COX16: variants seen among roughly 807,000 people sequenced by gnomAD.
The protein encoded by COX16 is cytochrome c oxidase assembly factor COX16.
In COX16, 12 loss-of-function variants were observed where a neutral mutation model predicts 15.4. The observed-to-expected ratio is 0.78, with a 90% CI of 0.50 to 1.26. The LOEUF (loss-of-function observed/expected upper bound fraction) is 1.26. Among genes scored for constraint, COX16 ranks in the 50% most tolerant of loss-of-function variants. The probability of loss-of-function intolerance (pLI) is 0.00; values close to 1 mark genes in which losing one functional copy is unlikely to be tolerated. For missense variants in COX16, 124 were observed against 127.6 expected (o/e 0.97, Z 0.14); for synonymous variants, 46 against 41.1 (o/e 1.12, Z -0.46).
chr14:70,329,772 T>G (rs1045229594), intron 2 of COX16, among the ~76,000 whole-genome samples: 1 of 146,514 alleles, frequency 6.8e-6, no homozygotes, highest in Non-Finnish European at 1.5e-5. Flanking sequence ...AATGCTATAT[T>G]AACTGTATAA....
intron 1 of COX16, among the ~76,000 whole-genome samples, chr14:70,351,909 T>C (rs2332364): frequency 0.7 from 105,865 of 152,008 alleles, 37,113 homozygotes; most frequent in East Asian, 0.93. Context: ...AAAAGGAAGG[T>C]AGGGATCAAA....
intron 1 of COX16, among the ~76,000 whole-genome samples, chr14:70,343,393 T>C (rs1159186547): frequency 2.6e-5 from 4 of 152,232 alleles, no homozygotes; most frequent in African/African-American, 7.2e-5. Context: ...ATAACATTAT[T>C]GTTTTTTTGT....
chr14:70,340,905 C>T (rs1412164288), intron 2 of COX16, among the ~76,000 whole-genome samples: 1 of 152,178 alleles, frequency 6.6e-6, no homozygotes, highest in South Asian at 2.1e-4. Flanking sequence ...TCTCCTTGAA[C>T]GTCTAGTAAT....
chr14:70,340,254 G>A (rs148164417), intron 2 of COX16, among the ~76,000 whole-genome samples: 46 of 152,158 alleles, frequency 3.0e-4, no homozygotes, highest in Non-Finnish European at 4.9e-4. Context: ...CTCTCCTGCC[G>A]CCATGTGAAG....
At chr14:70,353,593 A>C (rs1887035827) in intron 1 of COX16, among the ~76,000 whole-genome samples, 1 of 151,780 alleles carries the variant, frequency 6.6e-6, no homozygotes, top group Non-Finnish European at 1.5e-5. Context: ...AGCTCACTGC[A>C]ACCTCCACCT....
chr14:70,341,444 GA>G (rs1446422764), intron 2 of COX16, among the ~76,000 whole-genome samples: 1 of 151,950 alleles, frequency 6.6e-6, no homozygotes, highest in Non-Finnish European at 1.5e-5. Context: ...TATTACTTGA[GA>G]AAAAAACTAC....
intron 1 of COX16, among the ~76,000 whole-genome samples, chr14:70,352,739 G>A (rs372453373): frequency 1.4e-5 from 2 of 142,758 alleles, no homozygotes; most frequent in South Asian, 4.6e-4. Flanking sequence ...TCTGCCTCCC[G>A]GGTTCAAGAG....
At chr14:70,359,219 CTG>C in intron 1 of COX16, 1 of 517,166 alleles carries the variant, frequency 1.9e-6, no homozygotes, top group South Asian at 1.5e-5. Flanking sequence ...ATTTACTTAA[CTG>C]TGAATCAAGG....
At chr14:70,333,210 T>C (rs747073212) in intron 2 of COX16, among the ~76,000 whole-genome samples, 1 of 152,170 alleles carries the variant, frequency 6.6e-6, no homozygotes, top group Non-Finnish European at 1.5e-5. Flanking sequence ...TAGGAAAATA[T>C]GACCTCATCA....
At chr14:70,336,322 G>T (rs1886455389) in intron 2 of COX16, among the ~76,000 whole-genome samples, 1 of 152,158 alleles carries the variant, frequency 6.6e-6, no homozygotes. Context: ...CCAAGAGGAA[G>T]ACATGGAGCG....
intron 1 of COX16, among the ~76,000 whole-genome samples, chr14:70,350,328 T>C (rs1045691477): frequency 2.0e-5 from 3 of 152,184 alleles, no homozygotes; most frequent in Non-Finnish European, 4.4e-5. Flanking sequence ...TACAGGAGAC[T>C]GTAAAACTTT....
intron 2 of COX16, among the ~76,000 whole-genome samples, chr14:70,331,488 C>T (rs552410799): frequency 6.6e-6 from 1 of 151,846 alleles, no homozygotes; most frequent in Non-Finnish European, 1.5e-5. Context: ...AATGAATATA[C>T]AAAATAGAAT....
At chr14:70,330,143 T>TGAAGTTGATTAAGAGAAAAAAGA (rs1364040793) in intron 2 of COX16, among the ~76,000 whole-genome samples, 2 of 151,928 alleles carry the variant, frequency 1.3e-5, no homozygotes, top group East Asian at 3.9e-4. Context: ...TTAATCAAAG[T>TGAAGTTGATTAAGAGAAAAAAGA]GAAGTTGATT....
At chr14:70,343,864 G>C (rs1044555794) in intron 1 of COX16, among the ~76,000 whole-genome samples, 1 of 152,198 alleles carries the variant, frequency 6.6e-6, no homozygotes, top group African/African-American at 2.4e-5. Flanking sequence ...AATAACAATG[G>C]GGAATTGCAG....
At position 70,326,152 on chromosome 14, in the gene COX16, G is replaced by C. The variant is rs753250708; in HGVS notation, c.*181C>G. The C allele has an allele frequency of 3.2e-5, 12 of 371,056 alleles. No homozygotes were observed. The highest frequency in any genetic ancestry group is 5.0e-5 in the Non-Finnish European group (11 of 218,766). The allele number at this position is 371,056 out of a possible 1,614,324, so 23.0% of individuals were successfully genotyped here. A position where few individuals can be genotyped will look rare whatever the true frequency, so the allele number is the denominator to read the frequency against. ...GTTACTTTCATCCACAGATGGAATA[G>C]CTGGGAAGTATAAAAACCTGTACAT... On this transcript the variant is annotated 3_prime_UTR_variant, in exon 4 of 4. Coordinates refer to ENST00000389912, the MANE Select transcript of COX16 (RefSeq NM_016468.7).
chr14:70,326,297 TTA>T lies in COX16; in HGVS notation c.*34_*35del. ...GAAGTCCAGTTAATAATATTTTTAT[TTA>T]AAAAAAAAAAAAAGGAAAAAAGAAT... On this transcript the variant is annotated 3_prime_UTR_variant, in exon 4 of 4. Coordinates refer to ENST00000389912, the MANE Select transcript of COX16 (RefSeq NM_016468.7). 2.1e-6 allele frequency: 3 copies of T among 1,398,966 alleles called. No individual in the cohort carries two copies. Among genetic ancestry groups the T allele is most frequent in the Admixed American group, 3.0e-5 (1 of 33,052 alleles). The allele number at this position is 1,398,966 out of a possible 1,614,324, so 86.7% of individuals were successfully genotyped here.
intron 2 of COX16, among the ~76,000 whole-genome samples, chr14:70,336,301 T>G (rs1317205852): frequency 2.0e-5 from 3 of 151,992 alleles, no homozygotes; most frequent in African/African-American, 7.3e-5. Flanking sequence ...GCAGTAGTGT[T>G]TATGCTAGGG....
chr14:70,340,296 CTA>C (rs970870201), intron 2 of COX16, among the ~76,000 whole-genome samples: 2 of 152,192 alleles, frequency 1.3e-5, no homozygotes, highest in African/African-American at 4.8e-5. Context: ...TCTGCCATGA[CTA>C]AGTTTCCTGA....
At chr14:70,348,781 A>C (rs1886857580) in intron 1 of COX16, among the ~76,000 whole-genome samples, 1 of 152,180 alleles carries the variant, frequency 6.6e-6, no homozygotes, top group Admixed American at 6.5e-5. Flanking sequence ...CTCCTGTCAT[A>C]AATGGCTCTC....
Sources: gnomAD v4.1 joint callset for allele counts (sites outside exome capture counted in the v4.1 genomes callset) on GRCh38, gnomAD v4.1.1 for gene constraint, MANE v1.5 for transcripts, NCBI Gene and HGNC (gene_info 2026-07-23, HGNC 2026-07-21) for gene names.